Variants in DTWD2 observed in about 807,000 individuals in gnomAD.
DTWD2 encodes the protein tRNA-uridine aminocarboxypropyltransferase 2.
DTWD2 carries 39 observed loss-of-function variants against 31.8 expected under a neutral mutation model. The observed-to-expected ratio is 1.22, with a 90% CI of 0.95 to 1.60. The LOEUF (loss-of-function observed/expected upper bound fraction) is 1.60. DTWD2 is among the 40% of genes most tolerant of loss of function. The probability of loss-of-function intolerance (pLI) is 0.00; values close to 1 mark genes in which losing one functional copy is unlikely to be tolerated. For missense variants in DTWD2, 515 were observed against 381.5 expected (o/e 1.35, Z -2.92); for synonymous variants, 180 against 142.8 (o/e 1.26, Z -1.86).
chr5:118,940,654 G>T (rs1012223968), intron 2 of DTWD2, among the ~76,000 whole-genome samples: 1 of 152,150 alleles, frequency 6.6e-6, no homozygotes, highest in African/African-American at 2.4e-5. Context: ...CAAAGAGAGA[G>T]AGAAATATAT....
chr5:118,852,218 C>T (rs774516661), intron 4 of DTWD2, among the ~76,000 whole-genome samples: 2 of 152,162 alleles, frequency 1.3e-5, no homozygotes, highest in South Asian at 4.1e-4. Context: ...CCTAAAATCA[C>T]TGTTATTCTG....
At chr5:118,978,305 G>T (rs531174654) in intron 1 of DTWD2, among the ~76,000 whole-genome samples, 1 of 152,156 alleles carries the variant, frequency 6.6e-6, no homozygotes, top group African/African-American at 2.4e-5. Flanking sequence ...CATTCAGGAC[G>T]TTGGCACGGG....
intron 4 of DTWD2, among the ~76,000 whole-genome samples, chr5:118,854,265 C>G (rs898855301): frequency 7.2e-5 from 11 of 152,068 alleles, no homozygotes; most frequent in Admixed American, 6.6e-4. Context: ...TCATGCTTAT[C>G]TAATCCTTTC....
intron 5 of DTWD2, among the ~76,000 whole-genome samples, chr5:118,842,199 C>T (rs1751734805): frequency 6.6e-6 from 1 of 152,086 alleles, no homozygotes; most frequent in Non-Finnish European, 1.5e-5. Flanking sequence ...CTAGTAGTTG[C>T]TTCTTCGTAT....
At chr5:118,856,281 G>A (rs919352363) in intron 4 of DTWD2, among the ~76,000 whole-genome samples, 1 of 151,970 alleles carries the variant, frequency 6.6e-6, no homozygotes, top group South Asian at 2.1e-4. Flanking sequence ...TCTATAACTT[G>A]TCTTTTTAAC....
At chr5:118,955,209 A>G (rs932401021) in intron 1 of DTWD2, among the ~76,000 whole-genome samples, 2 of 152,242 alleles carry the variant, frequency 1.3e-5, no homozygotes, top group Admixed American at 1.3e-4. Flanking sequence ...TATTCTCTTT[A>G]TTAACCTAAT....
At chr5:118,856,764 C>CTTTTTTTTTTTTTTT (rs68175368) in intron 4 of DTWD2, among the ~76,000 whole-genome samples, 1 of 44,342 alleles carries the variant, frequency 2.3e-5, no homozygotes, top group Admixed American at 3.7e-4. Context: ...TTGAGGCTTA[C>CTTTTTTTTTTTTTTT]TTTTTTTTTT....
chr5:118,951,949 G>C (rs1174311204), intron 1 of DTWD2, among the ~76,000 whole-genome samples: 1 of 152,172 alleles, frequency 6.6e-6, no homozygotes, highest in Non-Finnish European at 1.5e-5. Flanking sequence ...TCTGTGACTG[G>C]CACCGGAGTT....
At chr5:118,984,132 C>T (rs549110307) in intron 1 of DTWD2, among the ~76,000 whole-genome samples, 122 of 152,220 alleles carry the variant, frequency 8.0e-4, no homozygotes, top group African/African-American at 2.8e-3. Context: ...ACTAAAAATA[C>T]AAAATTAGTG....
intron 1 of DTWD2, among the ~76,000 whole-genome samples, chr5:118,982,758 G>A (rs1472158185): frequency 1.5e-5 from 2 of 136,238 alleles, no homozygotes; most frequent in Non-Finnish European, 3.0e-5. Context: ...GAGCAATCTT[G>A]GCTCACTGCA....
chr5:118,904,964 T>C (rs1415954031), intron 4 of DTWD2, among the ~76,000 whole-genome samples: 2 of 152,022 alleles, frequency 1.3e-5, no homozygotes. Context: ...AGTTTAGCAG[T>C]ATAAGAACTC....
Position 118,973,941 on chromosome 5 carries a change from A to T in DTWD2, c.218+14353T>A, listed in dbSNP as rs1198750212. ...GAGGAAAATGGGGAGCAGGAGGCTG[A>T]CAATGAGGTAGATGAAGAAGAGGAA... On this transcript the variant is annotated intron_variant, in intron 1 of 5. Coordinates refer to ENST00000510708, the MANE Select transcript of DTWD2 (RefSeq NM_173666.4). 4 of 1,590,594 alleles carry T rather than the reference A, an allele frequency of 2.5e-6. No homozygotes were observed. In the African/African-American group the frequency reaches 4.0e-5, roughly 16 times the overall value.
intron 4 of DTWD2, among the ~76,000 whole-genome samples, chr5:118,904,603 C>G (rs1193065861): frequency 2.0e-5 from 3 of 151,830 alleles, no homozygotes; most frequent in African/African-American, 7.3e-5. Context: ...TAATCAAAGA[C>G]CAGTAGTATC....
intron 4 of DTWD2, among the ~76,000 whole-genome samples, chr5:118,914,512 C>A (rs565052681): frequency 6.6e-6 from 1 of 152,226 alleles, no homozygotes; most frequent in East Asian, 1.9e-4. Context: ...TTATTGAGCA[C>A]AGGTACAACG....
At chr5:118,846,230 T>A (rs1288401978) in intron 5 of DTWD2, among the ~76,000 whole-genome samples, 1 of 152,148 alleles carries the variant, frequency 6.6e-6, no homozygotes, top group Non-Finnish European at 1.5e-5. Context: ...TAATATAATG[T>A]ACAAAATAAT....
intron 4 of DTWD2, among the ~76,000 whole-genome samples, chr5:118,907,423 T>A (rs1163567087): frequency 1.3e-5 from 2 of 152,154 alleles, no homozygotes; most frequent in African/African-American, 4.8e-5. Context: ...ATCTGCAGTG[T>A]GAGCCAGCAG....
intron 3 of DTWD2, among the ~76,000 whole-genome samples, chr5:118,935,535 C>T (rs573481056): frequency 5.3e-5 from 8 of 151,984 alleles, no homozygotes; most frequent in Non-Finnish European, 7.4e-5. Flanking sequence ...CTTGCTCGCT[C>T]GCTTGCTTGT....
Position 118,841,030 on chromosome 5 carries a change from T to G in DTWD2, c.784A>C (p.Ile262Leu). 6.2e-7 allele frequency: 1 copy of G among 1,613,620 alleles called. No homozygotes were observed. The highest frequency in any genetic ancestry group is 8.5e-7 in the Non-Finnish European group (1 of 1,179,752). ...AGAAGGTGTTCCTTGCTGAGGCGAATTTGGGCACCATGCTGAAGTTGAAAG... is the reference window on the plus strand; with the variant it reads ...AGAAGGTGTTCCTTGCTGAGGCGAAGTTGGGCACCATGCTGAAGTTGAAAG... ...CSFQLQHGAQ[I>L]RLSKEHLLKN... The change falls in exon 6 of 6, where the codon ATT becomes CTT. Residue 262 changes from isoleucine (I) to leucine (L), a missense_variant. Physicochemically the swap from Ile to Leu is conservative, Grantham distance 5. Transcript: ENST00000510708.
At chr5:118,857,116 T>C (rs925344891) in intron 4 of DTWD2, among the ~76,000 whole-genome samples, 1 of 151,970 alleles carries the variant, frequency 6.6e-6, no homozygotes, top group African/African-American at 2.4e-5. Flanking sequence ...CGAAGAAATG[T>C]AGATGCACAC....
Sources: gnomAD v4.1 joint callset for allele counts (sites outside exome capture counted in the v4.1 genomes callset) on GRCh38, gnomAD v4.1.1 for gene constraint, MANE v1.5 for transcripts, NCBI Gene and HGNC (gene_info 2026-07-23, HGNC 2026-07-21) for gene names.